The following CAMK1D variants were observed in gnomAD, a reference collection of about 807,000 sequenced individuals.
CAMK1D encodes calcium/calmodulin-dependent protein kinase type 1D.
In CAMK1D, 9 loss-of-function variants were observed where a neutral mutation model predicts 47.7. The ratio of observed to expected loss-of-function variants is 0.19; its 90% CI spans 0.11 to 0.33. The LOEUF is 0.33. Among genes scored for constraint, CAMK1D ranks in the 10% least tolerant of loss-of-function variants. The pLI, the probability that CAMK1D is intolerant of heterozygous loss-of-function variation, is 1.00. For synonymous variants in CAMK1D, 184 were observed against 184.9 expected (o/e 0.99, Z 0.04); for missense variants, 291 against 488.7 (o/e 0.60, Z 3.81).
intron 10 of CAMK1D, among the ~76,000 whole-genome samples, chr10:12,828,271 C>T (rs892314631): frequency 6.6e-6 from 1 of 152,134 alleles, no homozygotes; most frequent in African/African-American, 2.4e-5. Flanking sequence ...GAGGAGAGGT[C>T]TAAGAATAAA....
intron 3 of CAMK1D, among the ~76,000 whole-genome samples, chr10:12,731,979 C>G (rs1228867586): frequency 6.6e-6 from 1 of 152,118 alleles, no homozygotes. Context: ...CACGGTGGCT[C>G]ACGCATGTAA....
intron 2 of CAMK1D, chr10:12,578,943 G>A (rs141432609): frequency 0.011 from 1,666 of 153,134 alleles, 21 homozygotes; most frequent in African/African-American, 0.038. Context: ...CATGAGCCCT[G>A]TGCTGGGGAA....
At chr10:12,669,325 G>A (rs1371645051) in intron 3 of CAMK1D, among the ~76,000 whole-genome samples, 1 of 152,142 alleles carries the variant, frequency 6.6e-6, no homozygotes, top group Admixed American at 6.5e-5. Flanking sequence ...ATTAGGGTGG[G>A]ATTAACTGTT....
intron 1 of CAMK1D, among the ~76,000 whole-genome samples, chr10:12,511,774 C>T (rs1835047730): frequency 6.6e-6 from 1 of 152,232 alleles, no homozygotes; most frequent in South Asian, 2.1e-4. Flanking sequence ...ATGGGCCGCC[C>T]AGAAGGATCG....
chr10:12,802,677 C>A (rs918823531), intron 6 of CAMK1D, among the ~76,000 whole-genome samples: 1 of 152,156 alleles, frequency 6.6e-6, no homozygotes, highest in African/African-American at 2.4e-5. Context: ...TGTGCCACCA[C>A]GCCTGGCCAA....
chr10:12,474,634 G>T (rs1321425820), intron 1 of CAMK1D, among the ~76,000 whole-genome samples: 1 of 151,994 alleles, frequency 6.6e-6, no homozygotes, highest in South Asian at 2.1e-4. Flanking sequence ...AGTTGTACAG[G>T]TTTGTTATAT....
intron 1 of CAMK1D, among the ~76,000 whole-genome samples, chr10:12,363,658 T>G (rs575997051): frequency 2.3e-4 from 34 of 150,076 alleles, no homozygotes; most frequent in Admixed American, 5.4e-4. Context: ...AGTTTTTGTT[T>G]CCTAAGGTTT....
chr10:12,417,672 G>A (rs1839902299), intron 1 of CAMK1D, among the ~76,000 whole-genome samples: 1 of 152,312 alleles, frequency 6.6e-6, no homozygotes, highest in South Asian at 2.1e-4. Context: ...GGGGAGGCCC[G>A]AGGCTGGCCA....
At chr10:12,572,167 A>G (rs919502448) in intron 2 of CAMK1D, among the ~76,000 whole-genome samples, 4 of 151,890 alleles carry the variant, frequency 2.6e-5, no homozygotes, top group African/African-American at 4.8e-5. Flanking sequence ...CTTTGGCTCT[A>G]CGTCCCCACC....
rs1331915176 is a variant in CAMK1D, at chr10:12,458,559, G to A, written c.93-94666G>A. On this transcript the variant is annotated intron_variant, in intron 1 of 10. Coordinates refer to ENST00000619168, the MANE Select transcript of CAMK1D (RefSeq NM_153498.4). ...AGCCTTCCAAGTAGCTGGAACTAAA[G>A]GTGTGTGCTGTCATGCCCAACTAAT... Among the ~76,000 whole-genome samples the A allele has an allele frequency of 3.3e-5, 5 of 152,086 alleles. No individual in the cohort carries two copies. The South Asian group carries it at 6.2e-4, about 19-fold the overall frequency.
At chr10:12,606,135 C>T (rs1838453561) in intron 2 of CAMK1D, among the ~76,000 whole-genome samples, 1 of 152,212 alleles carries the variant, frequency 6.6e-6, no homozygotes, top group East Asian at 1.9e-4. Context: ...ATAACCGTTT[C>T]CTTTGAGTTA....
At chr10:12,792,397 G>C (rs965532359) in intron 6 of CAMK1D, among the ~76,000 whole-genome samples, 1 of 152,146 alleles carries the variant, frequency 6.6e-6, no homozygotes, top group Admixed American at 6.5e-5. Context: ...TTTTAGGGTA[G>C]GCTTAGGCCA....
intron 6 of CAMK1D, 69 bp from the exon 7 acceptor site, chr10:12,814,126 C>T (rs1832710179): frequency 1.9e-6 from 2 of 1,026,044 alleles, no homozygotes; most frequent in Middle Eastern, 2.1e-4. Context: ...CTCTTCCTTC[C>T]AGGCAAAGTG....
At chr10:12,393,966 ACCC>A (rs1277247060) in intron 1 of CAMK1D, among the ~76,000 whole-genome samples, 1 of 151,536 alleles carries the variant, frequency 6.6e-6, no homozygotes, top group Non-Finnish European at 1.5e-5. Context: ...GGTATTGCAG[ACCC>A]CCCAGGTTGA....
intron 1 of CAMK1D, among the ~76,000 whole-genome samples, chr10:12,431,005 C>A (rs1159450750): frequency 1.3e-5 from 2 of 152,210 alleles, no homozygotes; most frequent in Non-Finnish European, 2.9e-5. Context: ...CCGCTTTGGC[C>A]TCCCAAAGTG....
intron 1 of CAMK1D, among the ~76,000 whole-genome samples, chr10:12,449,946 C>T (rs142871743): frequency 0.011 from 1,663 of 151,994 alleles, 27 homozygotes; most frequent in African/African-American, 0.034. Context: ...TGCAGTGAGC[C>T]GAGATTACAC....
At chr10:12,519,679 T>A (rs1165006412) in intron 1 of CAMK1D, among the ~76,000 whole-genome samples, 1 of 1,224 alleles carries the variant, frequency 8.2e-4, no homozygotes, top group African/African-American at 1.7e-3. Flanking sequence ...CTGACCCCCC[T>A]CCTCCCTCCC....
chr10:12,649,599 A>C (rs1265784067), intron 2 of CAMK1D, among the ~76,000 whole-genome samples: 1 of 152,124 alleles, frequency 6.6e-6, no homozygotes, highest in Non-Finnish European at 1.5e-5. Flanking sequence ...AAAGAAAGAA[A>C]CCCCAGATAA....
chr10:12,360,342 A>G (rs1272230332), intron 1 of CAMK1D, among the ~76,000 whole-genome samples: 3 of 152,142 alleles, frequency 2.0e-5, no homozygotes, highest in Admixed American at 2.0e-4. Context: ...CAAGGCCCAA[A>G]GTGTTGTGAA....
Sources: gnomAD v4.1 joint callset for allele counts (sites outside exome capture counted in the v4.1 genomes callset) on GRCh38, gnomAD v4.1.1 for gene constraint, MANE v1.5 for transcripts, NCBI Gene and HGNC (gene_info 2026-07-23, HGNC 2026-07-21) for gene names.